Variants in MBD2 observed in about 807,000 individuals in gnomAD.
The protein encoded by MBD2 is methyl-CpG binding domain protein 2.
A neutral mutation model predicts 39.3 loss-of-function variants in MBD2; 9 were observed. The ratio of observed to expected loss-of-function variants is 0.23; its 90% confidence interval spans 0.14 to 0.40. MBD2 has a LOEUF of 0.40. Ranked by LOEUF, MBD2 falls within the 10% of genes least tolerant of loss-of-function variation. The pLI is 1.00. For missense variants in MBD2, 458 were observed against 532.6 expected, an observed-to-expected ratio of 0.86 and a Z score of 1.38; for synonymous variants, 233 against 211.1, an observed-to-expected ratio of 1.10 and a Z score of -0.90.
In MBD2 at chr18:54,224,308, C is replaced by CCGGCCA. The variant is rs2086643304; in HGVS notation, c.246_251dup (p.Gly95_Arg96dup). 8 of 960,424 alleles carry CCGGCCA rather than the reference C, an allele frequency of 8.3e-6. No homozygotes were observed. The highest frequency in any genetic ancestry group is 9.9e-6 in the Non-Finnish European group (8 of 806,902). The allele number at this position is 960,424 out of a possible 1,614,324, so 59.5% of individuals were successfully genotyped here. ...CCCGGCCCCGGCCCCGTCCCCGTCC[C>CCGGCCA]CGGCCACGGCCCCGGCCCCGGCCAC... On this transcript the variant is annotated inframe_insertion, in exon 1 of 7. Transcript: ENST00000256429.
chr18:54,221,812 T>A (rs561870672), intron 1 of MBD2, among the ~76,000 whole-genome samples: 1 of 152,066 alleles, frequency 6.6e-6, no homozygotes, highest in African/African-American at 2.4e-5. Flanking sequence ...TTACACAACA[T>A]CCAAGAAAAT....
intron 1 of MBD2, among the ~76,000 whole-genome samples, chr18:54,217,144 C>T (rs2086568250): frequency 6.6e-6 from 1 of 152,118 alleles, no homozygotes; most frequent in African/African-American, 2.4e-5. Context: ...TTCTTCCTCA[C>T]ATCTGTAAAA....
intron 3 of MBD2, among the ~76,000 whole-genome samples, chr18:54,185,981 T>C (rs770430131): frequency 3.3e-4 from 50 of 152,214 alleles, no homozygotes; most frequent in Non-Finnish European, 6.8e-4. Context: ...TCGTAATTTA[T>C]ATATTTTATA....
chr18:54,172,898 T>C (rs1338205338), intron 3 of MBD2, among the ~76,000 whole-genome samples: 1 of 152,186 alleles, frequency 6.6e-6, no homozygotes, highest in Non-Finnish European at 1.5e-5. Flanking sequence ...GGGAACAAAA[T>C]GAGGAAGCGT....
At chr18:54,168,681 C>T (rs1404597289) in intron 3 of MBD2, among the ~76,000 whole-genome samples, 1 of 142,768 alleles carries the variant, frequency 7.0e-6, no homozygotes, top group Non-Finnish European at 1.5e-5. Context: ...CCATCCGCAA[C>T]CCAGGGGAGA....
chr18:54,212,938 G>T (rs2086521308), intron 1 of MBD2, among the ~76,000 whole-genome samples: 1 of 151,480 alleles, frequency 6.6e-6, no homozygotes, highest in Admixed American at 6.6e-5. Context: ...AGGCTGAGGT[G>T]AGAGGATTGC....
intron 3 of MBD2, among the ~76,000 whole-genome samples, chr18:54,174,564 T>C (rs951160438): frequency 1.3e-5 from 2 of 152,204 alleles, no homozygotes; most frequent in African/African-American, 2.4e-5. Flanking sequence ...GAAAGTAAGA[T>C]AAAGCACAAC....
intron 3 of MBD2, among the ~76,000 whole-genome samples, chr18:54,173,752 G>A (rs1235158032): frequency 6.6e-6 from 1 of 152,192 alleles, no homozygotes; most frequent in African/African-American, 2.4e-5. Flanking sequence ...TATTAGTAAG[G>A]AAGATTGGAA....
chr18:54,156,761 G>A (rs553623029), intron 6 of MBD2, among the ~76,000 whole-genome samples: 1 of 152,196 alleles, frequency 6.6e-6, no homozygotes, highest in East Asian at 1.9e-4. Flanking sequence ...ACTGAGGCAG[G>A]AGAATCGCTT....
At chr18:54,162,702 TA>T (rs2086105704) in intron 5 of MBD2, among the ~76,000 whole-genome samples, 3 of 152,180 alleles carry the variant, frequency 2.0e-5, no homozygotes, top group South Asian at 4.1e-4. Context: ...GTCTCTGGAG[TA>T]ATTTTCTTCC....
chr18:54,193,943 A>G (rs950670353), intron 2 of MBD2, among the ~76,000 whole-genome samples: 3 of 152,188 alleles, frequency 2.0e-5, no homozygotes, highest in Admixed American at 6.5e-5. Context: ...AACCAAGAAC[A>G]TAAGACTTAA....
rs560809939 is a variant in MBD2 at position 54,209,495 on chromosome 18, G to A, written c.543-4338C>T. Among the ~76,000 whole-genome samples the A allele has an allele frequency of 2.9e-4, 44 of 152,236 alleles. No individual in the cohort carries two copies. The South Asian group carries it at 8.5e-3, about 29-fold the overall frequency. On this transcript the variant is annotated intron_variant, in intron 1 of 6. Transcript: ENST00000256429. ...ATGAATAACCATTTCCTGTTTTACAGATGGAATTCTATGAAACATCTGTAT... is the reference window on the plus strand; with the variant it reads ...ATGAATAACCATTTCCTGTTTTACAAATGGAATTCTATGAAACATCTGTAT...
rs564337881 is a variant in MBD2 at position 54,198,424 on chromosome 18, T to C, written c.702+6574A>G. The stretch of plus-strand genomic sequence containing the variant: ...TGAGGAAAATAAGCTCTTGGAGAAA[T>C]GTACACAAGGCTGGATGCTGTGGCT... On this transcript the variant is annotated intron_variant, in intron 2 of 6. Transcript: ENST00000256429. 4.6e-5 allele frequency among the ~76,000 whole-genome samples: 7 copies of C among 152,300 alleles called. No individual in the cohort carries two copies. In the South Asian group the frequency reaches 1.0e-3, roughly 23 times the overall value.
chr18:54,182,294 A>T (rs955067809), intron 3 of MBD2, among the ~76,000 whole-genome samples: 1 of 152,238 alleles, frequency 6.6e-6, no homozygotes, highest in African/African-American at 2.4e-5. Context: ...AAGAAACACT[A>T]AGGAATGTCT....
At chr18:54,182,257 T>C (rs1482935389) in intron 3 of MBD2, among the ~76,000 whole-genome samples, 1 of 152,338 alleles carries the variant, frequency 6.6e-6, no homozygotes, top group Middle Eastern at 3.4e-3. Flanking sequence ...AATAACCTAA[T>C]ATAGTTGTGA....
intron 6 of MBD2, among the ~76,000 whole-genome samples, chr18:54,157,169 T>A (rs185413909): frequency 6.6e-6 from 1 of 152,132 alleles, no homozygotes; most frequent in African/African-American, 2.4e-5. Flanking sequence ...CCTTGCCAGC[T>A]TGGAAAACAA....
intron 2 of MBD2, among the ~76,000 whole-genome samples, chr18:54,191,642 A>C (rs1264166980): frequency 1.3e-5 from 2 of 152,208 alleles, no homozygotes; most frequent in East Asian, 3.8e-4. Context: ...TGTGACCTCT[A>C]CTTAAAGAAC....
At chr18:54,178,862 T>C (rs4041246) in intron 3 of MBD2, among the ~76,000 whole-genome samples, 2,712 of 152,210 alleles carry the variant, frequency 0.018, 83 homozygotes, top group African/African-American at 0.062. Context: ...ACTAGAAATA[T>C]ATAAACAATC....
chr18:54,214,162 T>C (rs1036666377), intron 1 of MBD2, among the ~76,000 whole-genome samples: 6 of 151,370 alleles, frequency 4.0e-5, no homozygotes, highest in Admixed American at 2.6e-4. Context: ...ATACTATACA[T>C]ATATATATAT....
Sources: gnomAD v4.1 joint callset for allele counts (sites outside exome capture counted in the v4.1 genomes callset) on GRCh38, gnomAD v4.1.1 for gene constraint, MANE v1.5 for transcripts, NCBI Gene and HGNC (gene_info 2026-07-23, HGNC 2026-07-21) for gene names.